The following DCHS2 variants were observed in gnomAD, a reference collection of about 807,000 sequenced individuals.
DCHS2 encodes the protein dachsous cadherin-related 2, also known as protocadherin-23.
In DCHS2, 142 loss-of-function variants were observed where a neutral mutation model predicts 182.4. That is an observed-to-expected ratio of 0.78 (90% confidence interval 0.68 to 0.89). The LOEUF is 0.89. Ranked by LOEUF, DCHS2 falls within the 40% of genes least tolerant of loss-of-function variation. DCHS2 has a pLI of 0.00. For synonymous variants in DCHS2, 1,740 were observed against 1,663.3 expected (o/e 1.05, Z -1.12); for missense variants, 4,319 against 4,198.6 (o/e 1.03, Z -0.79).
At chr4:154,256,016 T>A (rs1732647627) in intron 15 of DCHS2, among the ~76,000 whole-genome samples, 1 of 152,180 alleles carries the variant, frequency 6.6e-6, no homozygotes, top group Non-Finnish European at 1.5e-5. Context: ...CTAGCACAAG[T>A]AAAGGGAAAA....
intron 5 of DCHS2, among the ~76,000 whole-genome samples, chr4:154,330,527 A>T (rs979988373): frequency 1.3e-5 from 2 of 152,204 alleles, no homozygotes; most frequent in Non-Finnish European, 2.9e-5. Context: ...CACTCGGTCC[A>T]ATAGCCTGTC....
At chr4:154,291,900 G>A (rs1734682096) in intron 13 of DCHS2, among the ~76,000 whole-genome samples, 1 of 152,026 alleles carries the variant, frequency 6.6e-6, no homozygotes, top group African/African-American at 2.4e-5. Context: ...GCACAACAGG[G>A]TTCCTACCGT....
At position 154,437,999 on chromosome 4, in the gene DCHS2, C is replaced by T. The variant is rs193043502; in HGVS notation, c.2052+51305G>A. On this transcript the variant is annotated intron_variant, in intron 1 of 19. Transcript: ENST00000357232. ...CCAGCCTGGGCAACATAGTGAGAACCTGTCTCCTAAAAAAAAGTTAATAAA... is the reference window on the plus strand; with the variant it reads ...CCAGCCTGGGCAACATAGTGAGAACTTGTCTCCTAAAAAAAAGTTAATAAA... Among the ~76,000 whole-genome samples the T allele has an allele frequency of 7.2e-5, 11 of 152,202 alleles. No individual in the cohort carries two copies. In the East Asian group the frequency reaches 2.1e-3, roughly 29 times the overall value.
At position 154,266,129 on chromosome 4, in the gene DCHS2, ATAAGG is replaced by A. The variant is rs1733243942; in HGVS notation, c.6577+3766_6577+3770del. On this transcript the variant is annotated intron_variant, in intron 14 of 19. Coordinates refer to ENST00000357232, the MANE Select transcript of DCHS2 (RefSeq NM_001358235.2). ...TGTGAGATGACAAAATGCCCACATG[ATAAGG>A]TAAAGTGAGGTAAATGACATGGGCA... 2.6e-5 allele frequency among the ~76,000 whole-genome samples: 4 copies of A among 152,176 alleles called. No individual in the cohort carries two copies. In the South Asian group the frequency reaches 8.3e-4, roughly 31 times the overall value.
At chr4:154,469,171 T>C (rs1350878324) in intron 1 of DCHS2, among the ~76,000 whole-genome samples, 1 of 151,998 alleles carries the variant, frequency 6.6e-6, no homozygotes, top group Non-Finnish European at 1.5e-5. Context: ...GGTTGTTTAT[T>C]GGGGTCAAGG....
chr4:154,389,528 A>ATATATATATATATATATATATATT (rs1731581777), intron 1 of DCHS2, among the ~76,000 whole-genome samples: 1 of 145,020 alleles, frequency 6.9e-6, no homozygotes, highest in East Asian at 2.0e-4. Context: ...ATATATATAT[A>ATATATATATATATATATATATATT]TATATATAAC....
At chr4:154,260,493 T>TA (rs895236009) in intron 14 of DCHS2, among the ~76,000 whole-genome samples, 20 of 151,310 alleles carry the variant, frequency 1.3e-4, no homozygotes, top group South Asian at 4.2e-4. Flanking sequence ...CTGAATTTAA[T>TA]AAAAAAAAAG....
intron 1 of DCHS2, among the ~76,000 whole-genome samples, chr4:154,456,948 T>G (rs1282177938): frequency 6.6e-6 from 1 of 152,184 alleles, no homozygotes; most frequent in Non-Finnish European, 1.5e-5. Context: ...TACTCATAAG[T>G]ACCCATGTAT....
In DCHS2 at chr4:154,329,710, C is replaced by A. The variant is rs1736443058; in HGVS notation, c.3731G>T (p.Gly1244Val). The A allele has an allele frequency of 1.2e-6, 2 of 1,611,620 alleles. No individual in the cohort carries two copies. Among genetic ancestry groups the A allele is most frequent in the Non-Finnish European group, 8.5e-7 (1 of 1,179,540 alleles). Residue 1244 changes from glycine (G) to valine (V), a missense_variant and splice_region_variant, in exon 6 of 20, where the codon GGA becomes GTA. Gly to Val is a moderately radical substitution (Grantham distance 109). Transcript: ENST00000357232. ...GKFFKMNPNT[G>V]ELINWVALDR... Reference sequence around the variant, plus strand: ...CAGTGCCACCCAATTGATTAACTCTCCTGCAGAGTACAGAGCAGAACAAGA... The same window carrying A: ...CAGTGCCACCCAATTGATTAACTCTACTGCAGAGTACAGAGCAGAACAAGA...
In DCHS2 at chr4:154,259,457, T is replaced by C. The variant is rs553392448; in HGVS notation, c.6789+88A>G. On this transcript the variant is annotated intron_variant, in intron 15 of 19. Transcript: ENST00000357232. ...CAGGGATTAGAAATTTTTATGTACA[T>C]TGACTTGTAATAATTCTCTCTCTCT... 3.2e-5 allele frequency: 49 copies of C among 1,540,666 alleles called. No individual in the cohort carries two copies. In the East Asian group the frequency reaches 7.7e-4, roughly 24 times the overall value.
At chr4:154,445,870 C>T (rs928675375) in intron 1 of DCHS2, among the ~76,000 whole-genome samples, 2 of 150,972 alleles carry the variant, frequency 1.3e-5, no homozygotes, top group African/African-American at 4.9e-5. Flanking sequence ...GGTCGAGCCA[C>T]CAACATCCCT....
In DCHS2 at chr4:154,489,898, T is replaced by TG. The variant is rs767409155; in HGVS notation, c.1457dup (p.Gly487ArgfsTer20). 168 of 1,540,386 alleles carry TG rather than the reference T, an allele frequency of 1.1e-4. 5 individuals are homozygous for TG. The South Asian group carries it at 1.9e-3, about 18-fold the overall frequency. ...CCTCCACGCAAAGGAAAAATACCCC[T>TG]GGGGGGCCGCCGGGTAGCAACGCGA... On this transcript the variant is annotated frameshift_variant, in exon 1 of 20. Transcript: ENST00000357232. LOFTEE classifies it high-confidence loss of function.
At chr4:154,437,453 G>C (rs1413503369) in intron 1 of DCHS2, among the ~76,000 whole-genome samples, 1 of 152,202 alleles carries the variant, frequency 6.6e-6, no homozygotes, top group Non-Finnish European at 1.5e-5. Flanking sequence ...TTTGGGTAGA[G>C]AGAACTCCCT....
At position 154,292,110 on chromosome 4, in the gene DCHS2, AT is replaced by A. The variant is rs781025075; in HGVS notation, c.6463+5740del. Among the ~76,000 whole-genome samples the A allele has an allele frequency of 1.5e-4, 23 of 152,276 alleles. No homozygotes were observed. In the East Asian group the frequency reaches 3.9e-3, roughly 26 times the overall value. On this transcript the variant is annotated intron_variant, in intron 13 of 19. Transcript: ENST00000357232. The stretch of plus-strand genomic sequence containing the variant: ...ATACCTGCATAAATTAAAAATTAAA[AT>A]TTTTTGAAATGTAAAAAAACAAATT...
At chr4:154,426,742 T>G (rs1221746424) in intron 1 of DCHS2, among the ~76,000 whole-genome samples, 2 of 151,830 alleles carry the variant, frequency 1.3e-5, no homozygotes, top group African/African-American at 4.8e-5. Context: ...GAGACCAGCC[T>G]GGGCAACATA....
At chr4:154,444,216 C>T (rs1734161610) in intron 1 of DCHS2, among the ~76,000 whole-genome samples, 5 of 152,174 alleles carry the variant, frequency 3.3e-5, no homozygotes, top group Admixed American at 3.3e-4. Flanking sequence ...ACTCAAACCT[C>T]TTCTGAATTT....
intron 1 of DCHS2, among the ~76,000 whole-genome samples, chr4:154,414,578 G>T (rs2110899273): frequency 7.7e-6 from 1 of 130,438 alleles, no homozygotes; most frequent in East Asian, 2.4e-4. Flanking sequence ...TGACATCATT[G>T]TACACTTGTT....
chr4:154,342,250 G>A (rs770397568), intron 3 of DCHS2, among the ~76,000 whole-genome samples: 7 of 151,914 alleles, frequency 4.6e-5, no homozygotes. Flanking sequence ...TGAGATTTTA[G>A]TGAGTGGTAA....
At chr4:154,364,160 A>G (rs533492057) in intron 3 of DCHS2, among the ~76,000 whole-genome samples, 1 of 152,286 alleles carries the variant, frequency 6.6e-6, no homozygotes, top group Non-Finnish European at 1.5e-5. Context: ...TAAGATAATC[A>G]CCCACACAGA....
Sources: gnomAD v4.1 joint callset for allele counts (sites outside exome capture counted in the v4.1 genomes callset) on GRCh38, gnomAD v4.1.1 for gene constraint, MANE v1.5 for transcripts, NCBI Gene and HGNC (gene_info 2026-07-23, HGNC 2026-07-21) for gene names.